The following ECPAS variants were observed in gnomAD, a reference collection of about 807,000 sequenced individuals.
The protein encoded by ECPAS is proteasome adapter and scaffold protein ECM29.
A neutral mutation model predicts 255.1 loss-of-function variants in ECPAS; 70 were observed. The ratio of observed to expected loss-of-function variants is 0.27; its 90% confidence interval spans 0.23 to 0.33. The LOEUF is 0.33. Among genes scored for constraint, ECPAS ranks in the 10% least tolerant of loss-of-function variants. The pLI is 1.00. For missense variants in ECPAS, 1,817 were observed against 2,206.4 expected, an observed-to-expected ratio of 0.82 and a Z score of 3.54; for synonymous variants, 784 against 775.0, an observed-to-expected ratio of 1.01 and a Z score of -0.19.
chr9:111,477,302 G>C (rs2098297562), intron 1 of ECPAS, among the ~76,000 whole-genome samples: 1 of 151,572 alleles, frequency 6.6e-6, no homozygotes, highest in African/African-American at 2.4e-5. Flanking sequence ...GTAGAGACGG[G>C]GGTTTCATCA....
intron 35 of ECPAS, 32 bp from the exon 36 acceptor site, chr9:111,378,762 C>G (rs752817740): frequency 6.4e-7 from 1 of 1,572,276 alleles, no homozygotes; most frequent in Non-Finnish European, 8.7e-7. Context: ...CTCCTGAGTC[C>G]TTTTAACAAA....
chr9:111,467,830 T>C (rs1161187212), intron 2 of ECPAS, among the ~76,000 whole-genome samples: 1 of 152,036 alleles, frequency 6.6e-6, no homozygotes, highest in African/African-American at 2.4e-5. Flanking sequence ...CTCAGAAAAA[T>C]GTTGTGAGGT....
chr9:111,414,103 TAAA>T (rs376955620), intron 19 of ECPAS, 117 bp from the exon 20 acceptor site: 108 of 538,524 alleles, frequency 2.0e-4, no homozygotes, highest in South Asian at 4.5e-4. Context: ...TCGGTTCTAT[TAAA>T]AAAAAAAAAA....
At chr9:111,402,501 A>T (rs1303201420) in intron 24 of ECPAS, among the ~76,000 whole-genome samples, 5 of 152,224 alleles carry the variant, frequency 3.3e-5, no homozygotes, top group African/African-American at 4.8e-5. Flanking sequence ...AATATTGTGG[A>T]GTATTAAGAG....
intron 29 of ECPAS, among the ~76,000 whole-genome samples, chr9:111,391,468 C>T (rs72609703): frequency 0.12 from 18,867 of 151,730 alleles, 1,433 homozygotes; most frequent in East Asian, 0.33. Context: ...TCTCAGTTAC[C>T]TGGGAAGCTG....
At chr9:111,430,323 CTAGACAGTT>C (rs1352627123) in intron 9 of ECPAS, among the ~76,000 whole-genome samples, 5 of 152,188 alleles carry the variant, frequency 3.3e-5, no homozygotes, top group Non-Finnish European at 1.5e-5. Context: ...AATCCCTACT[CTAGACAGTT>C]TGTCATTGTT....
intron 43 of ECPAS, 67 bp downstream of exon 43, chr9:111,371,554 G>A (rs547211740): frequency 2.3e-5 from 31 of 1,371,856 alleles, no homozygotes; most frequent in African/African-American, 5.7e-5. Flanking sequence ...AAACCAGATC[G>A]TTACTATTAT....
Position 111,484,329 on chromosome 9 carries a change from T to A in ECPAS, c.-296A>T. 6.2e-7 allele frequency: 1 copy of A among 1,601,394 alleles called. No individual in the cohort carries two copies. Among genetic ancestry groups the A allele is most frequent in the Non-Finnish European group, 8.5e-7 (1 of 1,175,434 alleles). The stretch of plus-strand genomic sequence containing the variant: ...TTTTCCGAGGTCTGCGGCTGTCACG[T>A]TGGCTGGGCCCGACCTGGGGAAACA... On this transcript the variant is annotated 5_prime_UTR_variant, in exon 1 of 50. Transcript: ENST00000684092.
At position 111,410,963 on chromosome 9, in the gene ECPAS, A is replaced by G; in HGVS notation, c.2377+17T>C. On this transcript the variant is annotated intron_variant, in intron 22 of 49. Coordinates refer to ENST00000684092, the MANE Select transcript of ECPAS (RefSeq NM_001364929.1). ...CAAAAACTGCAACACCCAAATCGAC[A>G]TAAAGACATTAATTACCTATTGTTT... 6.2e-7 allele frequency: 1 copy of G among 1,604,680 alleles called. No homozygotes were observed. Among genetic ancestry groups the G allele is most frequent in the Non-Finnish European group, 8.5e-7 (1 of 1,173,852 alleles).
chr9:111,418,023 A>G lies in ECPAS; in HGVS notation c.1560-17T>C. On this transcript the variant is annotated splice_polypyrimidine_tract_variant and intron_variant, in intron 16 of 49. Coordinates refer to ENST00000684092, the MANE Select transcript of ECPAS (RefSeq NM_001364929.1). ...TCTTCACGTCTTTCAGAAAAAGACA[A>G]ATAAGAATAAAAAATAAATGTCACC... 6.4e-7 allele frequency: 1 copy of G among 1,564,390 alleles called. No individual in the cohort carries two copies. The highest frequency in any genetic ancestry group is 8.6e-7 in the Non-Finnish European group (1 of 1,161,144).
intron 35 of ECPAS, among the ~76,000 whole-genome samples, chr9:111,381,914 C>G (rs2098141034): frequency 1.3e-5 from 2 of 151,856 alleles, no homozygotes; most frequent in African/African-American, 4.8e-5. Context: ...CTTCTTCGTC[C>G]TCTTTGATTG....
At chr9:111,382,220 AC>A (rs2098141445) in intron 35 of ECPAS, among the ~76,000 whole-genome samples, 1 of 150,296 alleles carries the variant, frequency 6.7e-6, no homozygotes, top group Non-Finnish European at 1.5e-5. Context: ...TCTAATGATC[AC>A]TACTTAGATT....
chr9:111,402,030 ATAAAG>A (rs895038567), intron 24 of ECPAS, among the ~76,000 whole-genome samples: 13 of 152,258 alleles, frequency 8.5e-5, no homozygotes, highest in South Asian at 2.1e-4. Context: ...GGATTAAGAG[ATAAAG>A]TAAAGACAGG....
intron 32 of ECPAS, 50 bp downstream of exon 32, chr9:111,386,327 G>GA (rs1191008894): frequency 1.7e-6 from 2 of 1,198,026 alleles, no homozygotes; most frequent in South Asian, 1.3e-5. Flanking sequence ...ATTTTGAAGG[G>GA]AAAAAAATTC....
chr9:111,370,205 G>A (rs1482279060), intron 45 of ECPAS, among the ~76,000 whole-genome samples: 2 of 152,214 alleles, frequency 1.3e-5, no homozygotes, highest in Admixed American at 6.5e-5. Flanking sequence ...CCACACCCTA[G>A]AAATGGCAGA....
intron 16 of ECPAS, 137 bp downstream of exon 16, chr9:111,419,880 C>T: frequency 1.7e-6 from 1 of 585,416 alleles, no homozygotes; most frequent in Non-Finnish European, 3.1e-6. Context: ...AGGTCTATAT[C>T]ACATCAAGAG....
chr9:111,389,831 G>T, intron 30 of ECPAS, 108 bp from the exon 31 acceptor site: 1 of 1,260,922 alleles, frequency 7.9e-7, no homozygotes, highest in Non-Finnish European at 1.1e-6. Flanking sequence ...TGATTTATTG[G>T]TCTTTCCAAT....
At chr9:111,444,329 G>A (rs2098249982) in intron 4 of ECPAS, 49 bp downstream of exon 4, 1 of 1,298,934 alleles carries the variant, frequency 7.7e-7, no homozygotes, top group Middle Eastern at 1.9e-4. Context: ...ATAAATGTTA[G>A]GAAAGAAAAT....
At chr9:111,461,304 A>G (rs2098272792) in intron 2 of ECPAS, among the ~76,000 whole-genome samples, 2 of 151,836 alleles carry the variant, frequency 1.3e-5, no homozygotes, top group African/African-American at 4.8e-5. Flanking sequence ...TACCAAAAAA[A>G]AAAAAAAAAA....
Sources: gnomAD v4.1 joint callset for allele counts (sites outside exome capture counted in the v4.1 genomes callset) on GRCh38, gnomAD v4.1.1 for gene constraint, MANE v1.5 for transcripts, NCBI Gene and HGNC (gene_info 2026-07-23, HGNC 2026-07-21) for gene names.